PLD5: variants seen among roughly 807,000 people sequenced by gnomAD.
PLD5 encodes phospholipase D family member 5, also known as inactive phospholipase D5.
Under a neutral mutation model 61.1 loss-of-function variants are expected in PLD5, and 36 were observed. That is an observed-to-expected ratio of 0.59 (90% CI 0.45 to 0.78). The LOEUF (loss-of-function observed/expected upper bound fraction) is 0.78. Among genes scored for constraint, PLD5 ranks in the 30% least tolerant of loss-of-function variants. The pLI, the probability that PLD5 is intolerant of heterozygous loss-of-function variation, is 0.00. For synonymous variants in PLD5, 243 were observed against 242.8 expected (o/e 1.00, Z -0.01); for missense variants, 515 against 644.4 (o/e 0.80, Z 2.17).
At chr1:242,104,111 G>A (rs1660871864) in intron 8 of PLD5, among the ~76,000 whole-genome samples, 1 of 151,708 alleles carries the variant, frequency 6.6e-6, no homozygotes, top group Non-Finnish European at 1.5e-5. Flanking sequence ...TTGAGCAGAT[G>A]CAGTATATGA....
At chr1:242,297,885 C>A (rs376045402) in intron 2 of PLD5, among the ~76,000 whole-genome samples, 1 of 151,216 alleles carries the variant, frequency 6.6e-6, no homozygotes, top group Non-Finnish European at 1.5e-5. Context: ...ATGATCCACC[C>A]GCCTCGGCCT....
chr1:242,187,740 G>A (rs1403270664), intron 5 of PLD5, among the ~76,000 whole-genome samples: 3 of 152,088 alleles, frequency 2.0e-5, no homozygotes, highest in Non-Finnish European at 2.9e-5. Flanking sequence ...CTCTGAGCAC[G>A]TAATGGGTAG....
intron 1 of PLD5, among the ~76,000 whole-genome samples, chr1:242,491,993 T>C (rs1572236901): frequency 6.6e-6 from 1 of 152,340 alleles, no homozygotes; most frequent in African/African-American, 2.4e-5. Context: ...ATCCATCTCT[T>C]TGGCTAGTCA....
chr1:242,454,680 T>C lies in PLD5; in HGVS notation c.189+69408A>G, dbSNP rs139523689. On this transcript the variant is annotated intron_variant, in intron 1 of 9. Transcript: ENST00000536534. ...TTCTAACGCTGAAAAGTGGCTGTAA[T>C]AGAAAGGAAATTAAGGAGAGAGTGG... Among the ~76,000 whole-genome samples the C allele has an allele frequency of 4.2e-3, 645 of 152,294 alleles. 7 individuals are homozygous for C. The highest frequency in any genetic ancestry group is 0.015 in the African/African-American group (608 of 41,564).
chr1:242,409,438 T>C (rs778462911), intron 1 of PLD5, among the ~76,000 whole-genome samples: 9 of 151,216 alleles, frequency 6.0e-5, no homozygotes, highest in East Asian at 2.0e-4. Flanking sequence ...ATTGTCCATG[T>C]TGCCTTATTG....
intron 8 of PLD5, 135 bp downstream of exon 8, chr1:242,107,536 T>A: frequency 1.2e-6 from 1 of 847,528 alleles, no homozygotes; most frequent in Non-Finnish European, 1.8e-6. Flanking sequence ...TTGAAAAAAT[T>A]ACTTAACGTG....
chr1:242,375,453 A>G (rs968178023), intron 1 of PLD5, among the ~76,000 whole-genome samples: 8 of 152,298 alleles, frequency 5.3e-5, no homozygotes, highest in African/African-American at 1.9e-4. Flanking sequence ...TACAAGGGCC[A>G]AATGTCCCAC....
At chr1:242,093,980 G>A (rs1660036570) in intron 9 of PLD5, among the ~76,000 whole-genome samples, 1 of 139,962 alleles carries the variant, frequency 7.1e-6, no homozygotes, top group African/African-American at 2.7e-5. Flanking sequence ...CATGGCTCTG[G>A]AAAGCTTTCC....
intron 4 of PLD5, among the ~76,000 whole-genome samples, chr1:242,243,058 C>A (rs1055743242): frequency 6.6e-6 from 1 of 152,176 alleles, no homozygotes. Flanking sequence ...ATCTGAGGAA[C>A]TAAACAGAGT....
intron 5 of PLD5, among the ~76,000 whole-genome samples, chr1:242,206,152 C>A (rs571610357): frequency 5.8e-4 from 89 of 152,322 alleles, no homozygotes; most frequent in African/African-American, 2.1e-3. Context: ...ATCAGTCAAT[C>A]TCTTTGCTGT....
At chr1:242,439,288 G>A (rs528246019) in intron 1 of PLD5, among the ~76,000 whole-genome samples, 4 of 152,304 alleles carry the variant, frequency 2.6e-5, no homozygotes, top group South Asian at 4.2e-4. Context: ...TTCGGAGACC[G>A]AGGCTGATGG....
At chr1:242,335,821 T>C (rs1435559766) in intron 2 of PLD5, among the ~76,000 whole-genome samples, 1 of 152,138 alleles carries the variant, frequency 6.6e-6, no homozygotes, top group Non-Finnish European at 1.5e-5. Context: ...CCTATGAAAA[T>C]TTCCCACAAA....
intron 4 of PLD5, among the ~76,000 whole-genome samples, chr1:242,224,277 T>C (rs1256349910): frequency 1.3e-5 from 2 of 152,192 alleles, no homozygotes; most frequent in African/African-American, 4.8e-5. Context: ...ATTCTTTCCA[T>C]TTACATTAAA....
intron 7 of PLD5, among the ~76,000 whole-genome samples, chr1:242,110,889 C>T (rs1661433189): frequency 6.6e-6 from 1 of 152,156 alleles, no homozygotes; most frequent in African/African-American, 2.4e-5. Context: ...AATCAGGCTA[C>T]ATTTTTATTA....
chr1:242,490,741 C>T (rs770967507), intron 1 of PLD5, among the ~76,000 whole-genome samples: 1 of 152,128 alleles, frequency 6.6e-6, no homozygotes, highest in Non-Finnish European at 1.5e-5. Context: ...TTCAATATCT[C>T]TTTAATACTG....
chr1:242,199,155 A>T (rs556284504), intron 5 of PLD5, among the ~76,000 whole-genome samples: 4 of 152,302 alleles, frequency 2.6e-5, no homozygotes, highest in South Asian at 4.1e-4. Flanking sequence ...CGGTTGGAAA[A>T]TTTTAGATTA....
chr1:242,145,818 G>A (rs139711777), intron 5 of PLD5, among the ~76,000 whole-genome samples: 331 of 152,170 alleles, frequency 2.2e-3, no homozygotes, highest in Non-Finnish European at 3.9e-3. Context: ...GATTATAGGC[G>A]CACACCAGCA....
intron 1 of PLD5, among the ~76,000 whole-genome samples, chr1:242,358,779 CCTG>C (rs1385079677): frequency 2.0e-5 from 3 of 152,286 alleles, no homozygotes; most frequent in Non-Finnish European, 4.4e-5. Flanking sequence ...AAAACTAATA[CCTG>C]CTTATTGTCA....
intron 5 of PLD5, among the ~76,000 whole-genome samples, chr1:242,189,022 A>T (rs893102762): frequency 5.3e-5 from 8 of 152,268 alleles, no homozygotes; most frequent in African/African-American, 1.9e-4. Context: ...TTAGATTGTC[A>T]TATGAAAAGA....
Sources: allele counts gnomAD v4.1 joint callset (sites outside exome capture counted in the v4.1 genomes callset), GRCh38; gene constraint gnomAD v4.1.1; transcripts MANE v1.5; gene names NCBI Gene and HGNC (gene_info 2026-07-23, HGNC 2026-07-21).